The following NFYA variants were observed in gnomAD, a reference collection of about 807,000 sequenced individuals.
NFYA encodes the protein CAAT-box DNA binding protein subunit A.
Under a neutral mutation model 52.8 loss-of-function variants are expected in NFYA, and 28 were observed. The ratio of observed to expected loss-of-function variants is 0.53; its 90% CI spans 0.39 to 0.73. The LOEUF is 0.73. Among genes scored for constraint, NFYA ranks in the 30% least tolerant of loss-of-function variants. The probability of loss-of-function intolerance (pLI) is 0.00; values close to 1 mark genes in which losing one functional copy is unlikely to be tolerated. For missense variants in NFYA, 234 were observed against 427.0 expected, an observed-to-expected ratio of 0.55 and a Z score of 3.98; for synonymous variants, 150 against 150.7, an observed-to-expected ratio of 1.00 and a Z score of 0.03.
intron 9 of NFYA, 113 bp downstream of exon 9, chr6:41,094,610 C>T (rs971708341): frequency 2.8e-6 from 2 of 719,652 alleles, no homozygotes; most frequent in African/African-American, 3.5e-5. Flanking sequence ...CTCACATTCT[C>T]TAAACTGGAT....
intron 8 of NFYA, among the ~76,000 whole-genome samples, chr6:41,094,032 A>G (rs887293527): frequency 6.6e-6 from 1 of 152,200 alleles, no homozygotes; most frequent in African/African-American, 2.4e-5. Context: ...CTAGAAAATA[A>G]TAATAATAAA....
chr6:41,088,806 G>A (rs1460092615), intron 4 of NFYA, among the ~76,000 whole-genome samples: 2 of 151,820 alleles, frequency 1.3e-5, no homozygotes, highest in Non-Finnish European at 2.9e-5. Context: ...GGCTGGTCTC[G>A]AACTCCTGAC....
In NFYA at chr6:41,099,971, C is replaced by G. The variant is rs1468104009; in HGVS notation, c.*2561C>G. 6.6e-6 allele frequency: 1 copy of G among 151,882 alleles called. No individual in the cohort carries two copies. Among genetic ancestry groups the G allele is most frequent in the Non-Finnish European group, 1.5e-5 (1 of 67,994 alleles). 9.4% of individuals were successfully genotyped at this position (151,882 alleles called of 1,614,324 possible). ...TTTAAAATAAATTTATAAAAATAAC[C>G]GAAAAGTAATGTGACTTTTGAGGAA... On this transcript the variant is annotated 3_prime_UTR_variant, in exon 10 of 10. Coordinates refer to ENST00000341376, the MANE Select transcript of NFYA (RefSeq NM_002505.5).
intron 8 of NFYA, among the ~76,000 whole-genome samples, chr6:41,093,750 C>G: frequency 6.6e-6 from 1 of 152,322 alleles, no homozygotes; most frequent in Non-Finnish European, 1.5e-5. Flanking sequence ...GGATTATAGG[C>G]GTGAGCCACC....
Position 41,092,970 on chromosome 6 carries a change from A to T in NFYA, c.773A>T (p.Glu258Val). ...AIQRIPLPGA[E>V]MLEEEPLYVN... Reference sequence around the variant, plus strand: ...CAAAGAATCCCTCTACCTGGAGCAGAGATGCTTGAAGAAGAGCCTCTCTAC... The same window carrying T: ...CAAAGAATCCCTCTACCTGGAGCAGTGATGCTTGAAGAAGAGCCTCTCTAC... The change falls in exon 8 of 10, where the codon GAG (glutamate) becomes GTG (valine). Residue 258 changes from glutamate to valine, a missense_variant. Glu to Val is a moderately radical substitution (Grantham distance 121). Around this residue, in one of 3 missense-constraint regions of NFYA, gnomAD observed 81 missense variants for 210.5 expected, o/e 0.38. Coordinates refer to ENST00000341376, the MANE Select transcript of NFYA (RefSeq NM_002505.5). The T allele has an allele frequency of 6.2e-7, 1 of 1,614,116 alleles. No homozygotes were observed. The highest frequency in any genetic ancestry group is 8.5e-7 in the Non-Finnish European group (1 of 1,180,000).
At chr6:41,091,201 A>T (rs960947118) in intron 6 of NFYA, among the ~76,000 whole-genome samples, 1 of 152,246 alleles carries the variant, frequency 6.6e-6, no homozygotes, top group African/African-American at 2.4e-5. Flanking sequence ...CAGATTGCTC[A>T]TTATGTACAA....
intron 7 of NFYA, among the ~76,000 whole-genome samples, chr6:41,092,101 T>C (rs946187497): frequency 6.6e-5 from 10 of 152,214 alleles, no homozygotes; most frequent in African/African-American, 2.4e-4. Flanking sequence ...CATGTAAATG[T>C]ATTGGGAAGA....
chr6:41,093,151 T>G (rs1764239998), intron 8 of NFYA, 66 bp downstream of exon 8: 1 of 1,420,804 alleles, frequency 7.0e-7, no homozygotes, highest in South Asian at 1.3e-5. Flanking sequence ...GAAATTATCT[T>G]TTATATGGCT....
At chr6:41,085,597 T>C (rs1431386744) in intron 4 of NFYA, among the ~76,000 whole-genome samples, 3 of 152,176 alleles carry the variant, frequency 2.0e-5, no homozygotes, top group African/African-American at 2.4e-5. Context: ...ACAGCAGTCA[T>C]ATTAATGTCT....
In NFYA at chr6:41,089,555, C is replaced by G. The variant is rs41273750; in HGVS notation, c.310-24C>G. On this transcript the variant is annotated intron_variant, in intron 4 of 9. Transcript: ENST00000341376. The stretch of plus-strand genomic sequence containing the variant: ...AGACCAGTGTCAGTAGAGTACAATC[C>G]TTTTTTTATGTTCTTTTCTGCAGAT... 5.3e-3 allele frequency: 8,374 copies of G among 1,591,024 alleles called. 217 individuals are homozygous for G. In the South Asian group the frequency reaches 0.06, roughly 11 times the overall value.
intron 4 of NFYA, among the ~76,000 whole-genome samples, chr6:41,088,450 TTTTATAG>T (rs1180961901): frequency 6.6e-6 from 1 of 150,898 alleles, no homozygotes; most frequent in East Asian, 1.9e-4. Context: ...AAAAAATTTA[TTTTATAG>T]TTTCTGTGAG....
chr6:41,078,616 C>CAT (rs1283054497), intron 1 of NFYA, among the ~76,000 whole-genome samples: 2 of 152,082 alleles, frequency 1.3e-5, no homozygotes, highest in Non-Finnish European at 2.9e-5. Flanking sequence ...TTTTGCCTAC[C>CAT]ATATGTAGTG....
intron 4 of NFYA, among the ~76,000 whole-genome samples, chr6:41,086,764 A>G (rs914907154): frequency 9.2e-5 from 14 of 152,204 alleles, no homozygotes; most frequent in Admixed American, 3.9e-4. Flanking sequence ...AAGTTGGCAT[A>G]TAATAAAAGT....
chr6:41,090,194 T>A lies in NFYA; in HGVS notation c.442-10T>A. 5.7e-6 allele frequency: 9 copies of A among 1,573,836 alleles called. No individual in the cohort carries two copies. Among genetic ancestry groups the A allele is most frequent in the Non-Finnish European group, 7.9e-6 (9 of 1,144,396 alleles). ...ATCTGTTGAATTGTGTCATTACTTA[T>A]TTCCTCCAGACACAGCAGCAGATTG... On this transcript the variant is annotated splice_polypyrimidine_tract_variant and intron_variant, in intron 5 of 9. Transcript: ENST00000341376.
Position 41,097,473 on chromosome 6 carries a change from A to C in NFYA, c.*63A>C. 1 of 1,543,478 alleles carries C rather than the reference A, an allele frequency of 6.5e-7. No individual in the cohort carries two copies. Among genetic ancestry groups the C allele is most frequent in the Non-Finnish European group, 9.0e-7 (1 of 1,117,282 alleles). ...TCTCACTGTTCCAGGAAATTGATCA[A>C]CTCTTCCAATGGGACATTGATGATC... On this transcript the variant is annotated 3_prime_UTR_variant, in exon 10 of 10. Coordinates refer to ENST00000341376, the MANE Select transcript of NFYA (RefSeq NM_002505.5).
rs944027675 is a variant in NFYA at position 41,102,330 on chromosome 6, G to T, written c.*4920G>T. Among the ~76,000 whole-genome samples, 1 of 152,140 alleles carries T rather than the reference G, an allele frequency of 6.6e-6. No individual in the cohort carries two copies. ...ATTCTATTGACTCATTGTTCAAAGG[G>T]GGGGCAGGAGGAGCTAATTTCCTTT... On this transcript the variant is annotated 3_prime_UTR_variant, in exon 10 of 10. Coordinates refer to ENST00000341376, the MANE Select transcript of NFYA (RefSeq NM_002505.5).
At chr6:41,081,597 A>G (rs190289335) in intron 3 of NFYA, among the ~76,000 whole-genome samples, 55 of 152,366 alleles carry the variant, frequency 3.6e-4, no homozygotes, top group African/African-American at 1.3e-3. Context: ...ATATACATAT[A>G]CAGACACACA....
chr6:41,098,046 G>T lies in NFYA; in HGVS notation c.*636G>T, dbSNP rs1378006408. 6.5e-6 allele frequency: 1 copy of T among 152,706 alleles called. No homozygotes were observed. The highest frequency in any genetic ancestry group is 1.5e-5 in the Non-Finnish European group (1 of 68,088). The allele number at this position is 152,706 out of a possible 1,614,324, so 9.5% of individuals were successfully genotyped here. Reference sequence around the variant, plus strand: ...AAAAAGCTAATTCTGGGGATAGAATGATAAAAGACTCAAGCACTAAAAATA... The same window carrying T: ...AAAAAGCTAATTCTGGGGATAGAATTATAAAAGACTCAAGCACTAAAAATA... On this transcript the variant is annotated 3_prime_UTR_variant, in exon 10 of 10. Transcript: ENST00000341376.
rs1266566867 is a variant in NFYA at position 41,101,457 on chromosome 6, G to A, written c.*4047G>A. Among the ~76,000 whole-genome samples the A allele has an allele frequency of 6.6e-6, 1 of 152,122 alleles. No homozygotes were observed. Among genetic ancestry groups the A allele is most frequent in the Non-Finnish European group, 1.5e-5 (1 of 68,014 alleles). ...AAGGATTTTTACAGGACCACGCCCC[G>A]GGCTTTGAACCCGTTTTTCCCAACC... is the stretch of plus-strand genomic sequence containing the variant. On this transcript the variant is annotated 3_prime_UTR_variant, in exon 10 of 10. Transcript: ENST00000341376.
Sources: gnomAD v4.1 joint callset for allele counts (sites outside exome capture counted in the v4.1 genomes callset) on GRCh38, gnomAD v4.1.1 for gene constraint, gnomAD v4.1.1 regional missense constraint, MANE v1.5 for transcripts, NCBI Gene and HGNC (gene_info 2026-07-23, HGNC 2026-07-21) for gene names.